Variants in OSBPL3 observed in about 807,000 individuals in gnomAD.
The protein encoded by OSBPL3 is oxysterol-binding protein-related protein 3.
Under a neutral mutation model 120.1 loss-of-function variants are expected in OSBPL3, and 65 were observed. The ratio of observed to expected loss-of-function variants is 0.54; its 90% CI spans 0.44 to 0.67. The LOEUF is 0.67. Among genes scored for constraint, OSBPL3 ranks in the 30% least tolerant of loss-of-function variants. The pLI is 0.00. For missense variants in OSBPL3, 1,004 were observed against 1,082.1 expected (o/e 0.93, Z 1.01); for synonymous variants, 416 against 402.6 (o/e 1.03, Z -0.40).
rs893047918 is a variant in OSBPL3 at position 24,957,531 on chromosome 7, C to T, written c.-150+22355G>A. Among the ~76,000 whole-genome samples, 12 of 152,250 alleles carry T rather than the reference C, an allele frequency of 7.9e-5. No individual in the cohort carries two copies. In the East Asian group the frequency reaches 1.9e-3, roughly 24 times the overall value. On this transcript the variant is annotated intron_variant, in intron 1 of 22. Transcript: ENST00000313367. ...ATAATAAACATGTCTCCAATCACTA[C>T]GCTTCAACTTGTTTTGCTTTTTGTC...
chr7:24,859,751 T>C (rs1191681135), intron 10 of OSBPL3, among the ~76,000 whole-genome samples: 1 of 152,168 alleles, frequency 6.6e-6, no homozygotes, highest in Non-Finnish European at 1.5e-5. Flanking sequence ...AGGCTGCAGC[T>C]AGAATTAAAA....
rs1344235045 is a variant in OSBPL3 at position 24,850,487 on chromosome 7, C to T, written c.1159-1311G>A. On this transcript the variant is annotated intron_variant, in intron 11 of 22. Transcript: ENST00000313367. ...TTGCATCCACCAGGGCCTGCAGGAC[C>T]GACCTGCTGAAAGCATAGAAGGATG... Among the ~76,000 whole-genome samples, 8 of 152,194 alleles carry T rather than the reference C, an allele frequency of 5.3e-5. No individual in the cohort carries two copies. In the East Asian group the frequency reaches 1.3e-3, roughly 26 times the overall value.
chr7:24,921,270 T>C (rs963241104), intron 1 of OSBPL3, among the ~76,000 whole-genome samples: 1 of 152,072 alleles, frequency 6.6e-6, no homozygotes, highest in African/African-American at 2.4e-5. Context: ...GATACACATA[T>C]GTACACCCAT....
At chr7:24,853,445 A>C (rs1220216415) in intron 10 of OSBPL3, among the ~76,000 whole-genome samples, 1 of 152,220 alleles carries the variant, frequency 6.6e-6, no homozygotes, top group Non-Finnish European at 1.5e-5. Flanking sequence ...TATACTATTC[A>C]AAAGTGTCAA....
Position 24,897,508 on chromosome 7 carries a change from G to T in OSBPL3, c.-149-4887C>A, listed in dbSNP as rs555959998. ...GCCCGGCTAATTTTTTGTATTTTTAGTAGAGACGGGGTTTCACCGTGTTAG... is the reference window on the plus strand; with the variant it reads ...GCCCGGCTAATTTTTTGTATTTTTATTAGAGACGGGGTTTCACCGTGTTAG... On this transcript the variant is annotated intron_variant, in intron 1 of 22. Coordinates refer to ENST00000313367, the MANE Select transcript of OSBPL3 (RefSeq NM_015550.4). Among the ~76,000 whole-genome samples the T allele has an allele frequency of 9.9e-5, 15 of 151,536 alleles. No individual in the cohort carries two copies. The South Asian group carries it at 3.2e-3, about 32-fold the overall frequency.
intron 13 of OSBPL3, 32 bp downstream of exon 13, chr7:24,842,247 T>C (rs769253654): frequency 4.4e-6 from 7 of 1,602,458 alleles, no homozygotes; most frequent in African/African-American, 1.3e-5. Flanking sequence ...AGAGAGATTT[T>C]TGAGGCACCA....
At chr7:24,847,770 G>A (rs948212141) in intron 12 of OSBPL3, among the ~76,000 whole-genome samples, 5 of 152,194 alleles carry the variant, frequency 3.3e-5, no homozygotes, top group African/African-American at 9.6e-5. Context: ...CAGCTGGTCA[G>A]TAATGGCTGA....
chr7:24,849,948 A>G lies in OSBPL3; in HGVS notation c.1159-772T>C, dbSNP rs902769163. 2.0e-5 allele frequency among the ~76,000 whole-genome samples: 3 copies of G among 149,372 alleles called. No individual in the cohort carries two copies. The highest frequency in any genetic ancestry group is 7.3e-5 in the African/African-American group (3 of 40,886). The stretch of plus-strand genomic sequence containing the variant: ...GTGAGAGTGAGACCCTGTCTCACGA[A>G]AAAAAAAAAAAGAAATAAAGAAAGT... On this transcript the variant is annotated intron_variant, in intron 11 of 22. Transcript: ENST00000313367. This position sits in a 1 kb window ranked among gnomAD's most constrained non-coding sequence, Gnocchi z 5.4.
rs760956308 is a variant in OSBPL3 at position 24,849,178 on chromosome 7, T to C, written c.1159-2A>G. 1.6e-5 allele frequency: 25 copies of C among 1,608,978 alleles called. No individual in the cohort carries two copies. The highest frequency in any genetic ancestry group is 8.3e-5 in the Admixed American group (5 of 59,924). ...AAGATCTGTGTTTTGTGCTAGGGCC[T>C]GGAACATGTTAAAATAGTGGGGCTC... On this transcript the variant is annotated splice_acceptor_variant, in intron 11 of 22. Transcript: ENST00000313367. LOFTEE classifies it high-confidence loss of function. The surrounding 1 kb of genome is among the most constrained non-coding windows in gnomAD (Gnocchi z 5.4).
At chr7:24,838,027 G>A (rs1211856432) in intron 14 of OSBPL3, among the ~76,000 whole-genome samples, 1 of 152,174 alleles carries the variant, frequency 6.6e-6, no homozygotes, top group African/African-American at 2.4e-5. Context: ...GCAAAATGAT[G>A]ATATGAAATG....
intron 1 of OSBPL3, among the ~76,000 whole-genome samples, chr7:24,897,906 G>A (rs907105083): frequency 2.6e-5 from 4 of 152,168 alleles, no homozygotes; most frequent in African/African-American, 9.7e-5. Flanking sequence ...TGTTTTGCTT[G>A]AGAAACAGAT....
intron 13 of OSBPL3, among the ~76,000 whole-genome samples, chr7:24,841,443 G>A (rs1182537720): frequency 2.0e-5 from 3 of 151,638 alleles, no homozygotes; most frequent in Admixed American, 2.0e-4. Context: ...TTGAAAAGAA[G>A]TATAGCACTT....
At position 24,804,578 on chromosome 7, in the gene OSBPL3, C is replaced by T. The variant is rs1486295157; in HGVS notation, c.2445-141G>A. The T allele has an allele frequency of 1.5e-5, 10 of 686,204 alleles. No homozygotes were observed. The highest frequency in any genetic ancestry group is 5.8e-5 in the Admixed American group (2 of 34,222). The allele number at this position is 686,204 out of a possible 1,614,324, so 42.5% of individuals were successfully genotyped here. A position where few individuals can be genotyped will look rare whatever the true frequency, so the allele number is the denominator to read the frequency against. ...AAGACCCCGCCCCAACCGTTTAATCCGTATCTTGAAGTAGTCAGAGAAGAT... is the reference window on the plus strand; with the variant it reads ...AAGACCCCGCCCCAACCGTTTAATCTGTATCTTGAAGTAGTCAGAGAAGAT... On this transcript the variant is annotated intron_variant, in intron 21 of 22. Coordinates refer to ENST00000313367, the MANE Select transcript of OSBPL3 (RefSeq NM_015550.4). The surrounding 1 kb of genome is among the most constrained non-coding windows in gnomAD (Gnocchi z 5.4).
rs766343356 is a variant in OSBPL3 at position 24,854,529 on chromosome 7, CACACACACAA to C, written c.1028-1905_1028-1896del. On this transcript the variant is annotated intron_variant, in intron 10 of 22. Coordinates refer to ENST00000313367, the MANE Select transcript of OSBPL3 (RefSeq NM_015550.4). This position sits in a 1 kb window ranked among gnomAD's most constrained non-coding sequence, Gnocchi z 4.1. ...ACACACACACACACACACACACACACACACACACAAACACACACAATGGTGCTGCCTCTGC... is the reference window on the plus strand; with the variant it reads ...ACACACACACACACACACACACACACACACACACAATGGTGCTGCCTCTGC... Among the ~76,000 whole-genome samples the C allele has an allele frequency of 6.8e-4, 100 of 146,882 alleles. No homozygotes were observed. Among genetic ancestry groups the C allele is most frequent in the East Asian group, 4.9e-3 (25 of 5,144 alleles).
At chr7:24,903,131 GT>G (rs1253516409) in intron 1 of OSBPL3, among the ~76,000 whole-genome samples, 1 of 152,230 alleles carries the variant, frequency 6.6e-6, no homozygotes, top group Non-Finnish European at 1.5e-5. Flanking sequence ...ACAATGACTT[GT>G]GTACCAACCT....
At chr7:24,963,221 T>C (rs987936294) in intron 1 of OSBPL3, among the ~76,000 whole-genome samples, 1 of 152,224 alleles carries the variant, frequency 6.6e-6, no homozygotes, top group African/African-American at 2.4e-5. Flanking sequence ...AGGGGTTTGC[T>C]GCTTGAATTC....
chr7:24,907,517 C>G lies in OSBPL3; in HGVS notation c.-149-14896G>C, dbSNP rs1808118911. Among the ~76,000 whole-genome samples the G allele has an allele frequency of 2.7e-5, 4 of 150,454 alleles. No homozygotes were observed. In the South Asian group the frequency reaches 8.6e-4, roughly 32 times the overall value. On this transcript the variant is annotated intron_variant, in intron 1 of 22. Coordinates refer to ENST00000313367, the MANE Select transcript of OSBPL3 (RefSeq NM_015550.4). ...CAGACATCACTCAGTTACACTTTGG[C>G]TGTTATCACTCAAACTTCATCTCTA...
chr7:24,918,147 C>T lies in OSBPL3; in HGVS notation c.-149-25526G>A. ...AGCAGCCAGTAATGACACCTGGATA[C>T]TCTTTGTTTACAGTTTCATGTACAG... is the stretch of plus-strand genomic sequence containing the variant. On this transcript the variant is annotated intron_variant, in intron 1 of 22. Coordinates refer to ENST00000313367, the MANE Select transcript of OSBPL3 (RefSeq NM_015550.4). This position sits in a 1 kb window ranked among gnomAD's most constrained non-coding sequence, Gnocchi z 4.3. 1.2e-6 allele frequency: 1 copy of T among 824,086 alleles called. No individual in the cohort carries two copies. The highest frequency in any genetic ancestry group is 1.5e-6 in the Non-Finnish European group (1 of 682,886). The allele number at this position is 824,086 out of a possible 1,614,324, so 51.0% of individuals were successfully genotyped here.
rs1387177996 is a variant in OSBPL3, at chr7:24,808,894, T to C, written c.2317+913A>G. The stretch of plus-strand genomic sequence containing the variant: ...AGAGGCACGAGAGAGGAAAGCTCTT[T>C]TGTCCTCTCATTACATGCTTGGTAT... On this transcript the variant is annotated intron_variant, in intron 20 of 22. Coordinates refer to ENST00000313367, the MANE Select transcript of OSBPL3 (RefSeq NM_015550.4). The surrounding 1 kb of genome is among the most constrained non-coding windows in gnomAD (Gnocchi z 4.6). Among the ~76,000 whole-genome samples the C allele has an allele frequency of 6.6e-6, 1 of 152,186 alleles. No homozygotes were observed. The highest frequency in any genetic ancestry group is 1.5e-5 in the Non-Finnish European group (1 of 68,020).
Sources: gnomAD v4.1 joint callset for allele counts (sites outside exome capture counted in the v4.1 genomes callset) on GRCh38, gnomAD v4.1.1 for gene constraint, Gnocchi (gnomAD v3.1) non-coding constraint, MANE v1.5 for transcripts, NCBI Gene and HGNC (gene_info 2026-07-23, HGNC 2026-07-21) for gene names.